The following KHDRBS2 variants were observed in gnomAD, a reference collection of about 807,000 sequenced individuals.
The protein encoded by KHDRBS2 is KH RNA binding domain containing, signal transduction associated 2, also known as KH domain-containing, RNA-binding, signal transduction-associated protein 2.
In KHDRBS2, 26 loss-of-function variants were observed where a neutral mutation model predicts 44.3. That is an observed-to-expected ratio of 0.59 (90% CI 0.43 to 0.81). The LOEUF is 0.81. Ranked by LOEUF, KHDRBS2 falls within the 40% of genes least tolerant of loss-of-function variation. The pLI is 0.00. For missense variants in KHDRBS2, 476 were observed against 433.1 expected (o/e 1.10, Z -0.88); for synonymous variants, 194 against 151.1 (o/e 1.28, Z -2.08).
At chr6:61,886,426 T>C (rs1469336111) in intron 6 of KHDRBS2, among the ~76,000 whole-genome samples, 4 of 152,158 alleles carry the variant, frequency 2.6e-5, no homozygotes, top group Non-Finnish European at 4.4e-5. Context: ...TATCCTGGTC[T>C]CCTTGCAGTC....
chr6:61,861,481 C>G (rs567826653), intron 6 of KHDRBS2, among the ~76,000 whole-genome samples: 1 of 152,248 alleles, frequency 6.6e-6, no homozygotes, highest in Non-Finnish European at 1.5e-5. Flanking sequence ...GTCCTTTCCC[C>G]ATTGCTCCTT....
the KHDRBS2 span, among the ~76,000 whole-genome samples, chr6:61,620,245 T>C: frequency 2.0e-5 from 3 of 152,084 alleles, no homozygotes; most frequent in African/African-American, 7.2e-5. Flanking sequence ...TTGGTAATCA[T>C]TAAAAAAAAA....
At chr6:62,223,711 C>T (rs2150153975) in intron 1 of KHDRBS2, among the ~76,000 whole-genome samples, 1 of 152,232 alleles carries the variant, frequency 6.6e-6, no homozygotes, top group Non-Finnish European at 1.5e-5. Flanking sequence ...AATCATCTCT[C>T]CCAAGTTCAA....
intron 2 of KHDRBS2, among the ~76,000 whole-genome samples, chr6:62,161,663 A>T: frequency 6.9e-6 from 1 of 145,922 alleles, no homozygotes; most frequent in Non-Finnish European, 1.5e-5. Flanking sequence ...TCATTTTGCT[A>T]CTTGTTTTCT....
intron 2 of KHDRBS2, among the ~76,000 whole-genome samples, chr6:62,102,208 T>G (rs940424639): frequency 5.9e-5 from 9 of 152,218 alleles, no homozygotes; most frequent in Admixed American, 5.9e-4. Flanking sequence ...TTAAATATAA[T>G]TAGAGGGTTT....
At chr6:62,210,693 GAATT>G (rs1828898691) in intron 1 of KHDRBS2, among the ~76,000 whole-genome samples, 2 of 151,908 alleles carry the variant, frequency 1.3e-5, no homozygotes, top group African/African-American at 4.8e-5. Context: ...TTCCAATTAA[GAATT>G]ATTCACAGAA....
the KHDRBS2 span, among the ~76,000 whole-genome samples, chr6:61,591,833 A>G: frequency 6.6e-6 from 1 of 152,200 alleles, no homozygotes; most frequent in South Asian, 2.1e-4. Context: ...GGGTCAAGGT[A>G]AAACTTTCCC....
intron 4 of KHDRBS2, among the ~76,000 whole-genome samples, chr6:61,926,201 A>C (rs2127362954): frequency 6.6e-6 from 1 of 152,302 alleles, no homozygotes; most frequent in East Asian, 1.9e-4. Context: ...GATAGGAGAA[A>C]CCATATGTGT....
intron 1 of KHDRBS2, among the ~76,000 whole-genome samples, chr6:62,213,464 A>T (rs1338055038): frequency 6.6e-6 from 1 of 152,156 alleles, no homozygotes; most frequent in Admixed American, 6.5e-5. Flanking sequence ...TCAAACGAAA[A>T]TCGGAAAAGT....
intron 6 of KHDRBS2, among the ~76,000 whole-genome samples, chr6:61,811,116 C>G (rs575961199): frequency 2.6e-5 from 4 of 152,014 alleles, no homozygotes; most frequent in Non-Finnish European, 4.4e-5. Flanking sequence ...CCCTCCTTCC[C>G]TTTTTTGGAG....
the KHDRBS2 span, among the ~76,000 whole-genome samples, chr6:61,673,078 T>C: frequency 6.6e-6 from 1 of 151,802 alleles, no homozygotes; most frequent in African/African-American, 2.4e-5. Flanking sequence ...TAGCCAGTTT[T>C]CCCAGCACCA....
intron 6 of KHDRBS2, among the ~76,000 whole-genome samples, chr6:61,768,289 A>C (rs1427664651): frequency 6.6e-6 from 1 of 151,980 alleles, no homozygotes; most frequent in Non-Finnish European, 1.5e-5. Flanking sequence ...ATCTTTCTTT[A>C]TCCTTGATCT....
At chr6:61,545,635 G>T in the KHDRBS2 span, among the ~76,000 whole-genome samples, 1 of 151,788 alleles carries the variant, frequency 6.6e-6, no homozygotes. Context: ...AGAAAAGCAA[G>T]GTATGTGATA....
At chr6:61,779,474 C>A (rs533800171) in intron 6 of KHDRBS2, among the ~76,000 whole-genome samples, 1 of 151,844 alleles carries the variant, frequency 6.6e-6, no homozygotes, top group Non-Finnish European at 1.5e-5. Context: ...ATTAACATCA[C>A]AAGAAGAAAA....
At chr6:61,846,458 G>C (rs373139889) in intron 6 of KHDRBS2, among the ~76,000 whole-genome samples, 1 of 152,104 alleles carries the variant, frequency 6.6e-6, no homozygotes, top group Non-Finnish European at 1.5e-5. Context: ...CGGTTACCTA[G>C]GGCATGGGTG....
intron 1 of KHDRBS2, among the ~76,000 whole-genome samples, chr6:62,188,404 G>A (rs553584414): frequency 3.9e-5 from 6 of 152,092 alleles, no homozygotes; most frequent in South Asian, 2.1e-4. Context: ...ATCATGTAGC[G>A]ATTGTCCTTC....
chr6:61,938,297 G>C (rs1029189396), intron 4 of KHDRBS2, among the ~76,000 whole-genome samples: 4 of 152,076 alleles, frequency 2.6e-5, no homozygotes, highest in Non-Finnish European at 5.9e-5. Context: ...TCATGGAATA[G>C]TTAGAAATCT....
intron 1 of KHDRBS2, among the ~76,000 whole-genome samples, chr6:62,285,479 A>G (rs1012659861): frequency 1.3e-5 from 2 of 152,208 alleles, no homozygotes; most frequent in Admixed American, 6.5e-5. Flanking sequence ...ATCTGTAGCT[A>G]CGAAGCTCTT....
At chr6:61,712,277 G>A (rs1459518914) in intron 7 of KHDRBS2, among the ~76,000 whole-genome samples, 1 of 151,892 alleles carries the variant, frequency 6.6e-6, no homozygotes, top group African/African-American at 2.4e-5. Flanking sequence ...GGTCATGAAA[G>A]TAGGGAGGGG....
Sources: gnomAD v4.1 joint callset for allele counts (sites outside exome capture counted in the v4.1 genomes callset) on GRCh38, gnomAD v4.1.1 for gene constraint, MANE v1.5 for transcripts, NCBI Gene and HGNC (gene_info 2026-07-23, HGNC 2026-07-21) for gene names.